WWP2: variants seen among roughly 807,000 people sequenced by gnomAD.
WWP2 encodes WW domain containing E3 ubiquitin protein ligase 2, also known as NEDD4-like E3 ubiquitin-protein ligase WWP2.
In WWP2, 57 loss-of-function variants were observed where a neutral mutation model predicts 121.0. The observed-to-expected ratio is 0.47, with a 90% confidence interval of 0.38 to 0.59. WWP2 has a LOEUF of 0.59. WWP2 is among the 20% of genes least tolerant of loss of function. WWP2 has a pLI of 0.00. For missense variants in WWP2, 962 were observed against 1,158.9 expected (o/e 0.83, Z 2.47); for synonymous variants, 449 against 441.3 (o/e 1.02, Z -0.22).
rs184547498 is a variant in WWP2 at position 69,842,077 on chromosome 16, C to T, written c.532C>T (p.Arg178Trp). 6.4e-5 allele frequency: 104 copies of T among 1,613,396 alleles called. No homozygotes were observed. In the East Asian group the frequency reaches 1.0e-3, roughly 16 times the overall value. Residue 178 changes from arginine to tryptophan, a missense_variant, in exon 6 of 24, where the codon CGG becomes TGG. By Grantham distance (101) the Arg-to-Trp change is moderately radical (BLOSUM62 -3). Around this residue, in one of 3 missense-constraint regions of WWP2, gnomAD observed 211 missense variants for 196.5 expected, o/e 1.07. Transcript: ENST00000359154. ...TGGAACAGCAGTAGCTCCAGAGAAC[C>T]GGCACCAGCCCCCCAGCACAAACTG... ...SSGTAVAPEN[R>W]HQPPSTNCFG...
At chr16:69,862,053 T>A (rs1489511761) in intron 6 of WWP2, among the ~76,000 whole-genome samples, 1 of 152,082 alleles carries the variant, frequency 6.6e-6, no homozygotes, top group Non-Finnish European at 1.5e-5. Context: ...AAATCAATAA[T>A]CAGGTTGTTT....
intron 8 of WWP2, among the ~76,000 whole-genome samples, chr16:69,899,599 G>A (rs575922171): frequency 6.6e-6 from 1 of 151,974 alleles, no homozygotes; most frequent in Admixed American, 6.6e-5. Context: ...GTGTATTGGT[G>A]CATGCCTGTA....
intron 4 of WWP2, among the ~76,000 whole-genome samples, chr16:69,800,963 A>G (rs1465154415): frequency 6.8e-6 from 1 of 147,100 alleles, no homozygotes; most frequent in African/African-American, 2.5e-5. Context: ...AGGCGGGTGG[A>G]TCACCTGAGG....
chr16:69,863,577 G>T (rs1194128483), intron 6 of WWP2, among the ~76,000 whole-genome samples: 1 of 152,176 alleles, frequency 6.6e-6, no homozygotes, highest in Admixed American at 6.5e-5. Context: ...GGGGGCAGAG[G>T]TTGTAGTGAG....
intron 6 of WWP2, among the ~76,000 whole-genome samples, chr16:69,842,534 G>A (rs1402870645): frequency 6.6e-6 from 1 of 152,070 alleles, no homozygotes; most frequent in Non-Finnish European, 1.5e-5. Flanking sequence ...TTGTGTTCAT[G>A]TGTACTCAAT....
intron 4 of WWP2, among the ~76,000 whole-genome samples, chr16:69,813,181 A>C (rs1409452085): frequency 8.8e-6 from 1 of 114,078 alleles, no homozygotes; most frequent in African/African-American, 3.5e-5. Flanking sequence ...TTTTTTTTTG[A>C]GATGGAGTTT....
chr16:69,881,194 C>G (rs1304988727), intron 7 of WWP2, among the ~76,000 whole-genome samples: 1 of 151,976 alleles, frequency 6.6e-6, no homozygotes, highest in Non-Finnish European at 1.5e-5. Flanking sequence ...TCCTTGATAC[C>G]CTACTTTTCC....
At chr16:69,862,708 CTTTTTT>C (rs546868069) in intron 6 of WWP2, among the ~76,000 whole-genome samples, 3 of 76,508 alleles carry the variant, frequency 3.9e-5, no homozygotes, top group East Asian at 4.0e-4. Flanking sequence ...GCCATGAATT[CTTTTTT>C]TTTTTTTTTT....
At chr16:69,933,689 TAA>T (rs1244615676) in intron 16 of WWP2, among the ~76,000 whole-genome samples, 5 of 152,172 alleles carry the variant, frequency 3.3e-5, no homozygotes, top group Non-Finnish European at 7.3e-5. Flanking sequence ...TATTGTGATG[TAA>T]AGTCTTGGAA....
At chr16:69,766,389 G>A (rs2038731455) in intron 1 of WWP2, among the ~76,000 whole-genome samples, 1 of 152,154 alleles carries the variant, frequency 6.6e-6, no homozygotes, top group East Asian at 1.9e-4. Flanking sequence ...CCCAGGGCAA[G>A]TCTGTTAAAA....
intron 6 of WWP2, among the ~76,000 whole-genome samples, chr16:69,844,935 T>C (rs11862697): frequency 0.17 from 25,455 of 152,174 alleles, 2,518 homozygotes; most frequent in East Asian, 0.41. Flanking sequence ...CTTTGCCTCC[T>C]TAAAAGCCCC....
chr16:69,920,586 T>C (rs1280446830), intron 10 of WWP2, among the ~76,000 whole-genome samples: 1 of 151,912 alleles, frequency 6.6e-6, no homozygotes, highest in Non-Finnish European at 1.5e-5. Context: ...GAGTTTCACA[T>C]GGTTTTTGTC....
At chr16:69,840,573 A>T (rs1300917343) in intron 5 of WWP2, among the ~76,000 whole-genome samples, 1 of 152,136 alleles carries the variant, frequency 6.6e-6, no homozygotes, top group Middle Eastern at 3.2e-3. Flanking sequence ...TTGGCCCATT[A>T]TTTTCCTTCC....
Position 69,925,559 on chromosome 16 carries a change from T to C in WWP2, c.1234+75T>C. 1 of 1,556,814 alleles carries C rather than the reference T, an allele frequency of 6.4e-7. No homozygotes were observed. Among genetic ancestry groups the C allele is most frequent in the South Asian group, 1.2e-5 (1 of 86,146 alleles). ...GCTCTGTCCTCTCCTCCCGCGTGTC[T>C]TCCTTCCCTGTTCCTGTCCCTCTGT... On this transcript the variant is annotated intron_variant, in intron 11 of 23. Transcript: ENST00000359154. This position sits in a 1 kb window ranked among gnomAD's most constrained non-coding sequence, Gnocchi z 4.0.
chr16:69,893,032 A>T (rs1424667627), intron 8 of WWP2, among the ~76,000 whole-genome samples: 1 of 152,138 alleles, frequency 6.6e-6, no homozygotes, highest in East Asian at 1.9e-4. Context: ...CGATAACTTA[A>T]CTTTAATTTG....
rs998018702 is a variant in WWP2 at position 69,913,312 on chromosome 16, C to T, written c.1005-4397C>T. On this transcript the variant is annotated intron_variant, in intron 9 of 23. Coordinates refer to ENST00000359154, the MANE Select transcript of WWP2 (RefSeq NM_001270454.2). Reference sequence around the variant, plus strand: ...CCTCCCAAAGTGGTGGGATTACAGGCGTGAGCCACCACGCCCAGCCAAAAA... The same window carrying T: ...CCTCCCAAAGTGGTGGGATTACAGGTGTGAGCCACCACGCCCAGCCAAAAA... Among the ~76,000 whole-genome samples, 8 of 151,178 alleles carry T rather than the reference C, an allele frequency of 5.3e-5. No individual in the cohort carries two copies. The South Asian group carries it at 1.3e-3, about 24-fold the overall frequency.
At chr16:69,889,674 G>T (rs1441044532) in intron 8 of WWP2, among the ~76,000 whole-genome samples, 1 of 152,168 alleles carries the variant, frequency 6.6e-6, no homozygotes, top group Non-Finnish European at 1.5e-5. Context: ...CTTCTGAACC[G>T]GGAGGTGAAG....
intron 4 of WWP2, among the ~76,000 whole-genome samples, chr16:69,820,995 C>T (rs1018958439): frequency 1.3e-5 from 2 of 152,232 alleles, no homozygotes; most frequent in East Asian, 1.9e-4. Context: ...CCCACTCCGG[C>T]GAGGCTATGG....
chr16:69,803,401 G>A (rs1046631402), intron 4 of WWP2, among the ~76,000 whole-genome samples: 7 of 150,342 alleles, frequency 4.7e-5, no homozygotes, highest in East Asian at 1.9e-4. Flanking sequence ...TTACTGTATC[G>A]TTATCACATT....
Sources: allele counts gnomAD v4.1 joint callset (sites outside exome capture counted in the v4.1 genomes callset), GRCh38; gene constraint gnomAD v4.1.1; regional missense constraint gnomAD v4.1.1; non-coding constraint Gnocchi (gnomAD v3.1); transcripts MANE v1.5; gene names NCBI Gene and HGNC (gene_info 2026-07-23, HGNC 2026-07-21).